SEPTIN4: variants seen among roughly 807,000 people sequenced by gnomAD.
SEPTIN4 encodes the protein septin 4.
A neutral mutation model predicts 107.1 loss-of-function variants in SEPTIN4; 52 were observed. The observed-to-expected ratio is 0.49, with a 90% confidence interval of 0.39 to 0.61. The LOEUF (loss-of-function observed/expected upper bound fraction) is 0.61, where lower values mean the gene tolerates loss of function less well. Among genes scored for constraint, SEPTIN4 ranks in the 20% least tolerant of loss-of-function variants. The probability of loss-of-function intolerance (pLI) is 0.00; values close to 1 mark genes in which losing one functional copy is unlikely to be tolerated. For missense variants in SEPTIN4, 1,048 were observed against 1,243.5 expected (o/e 0.84, Z 2.36); for synonymous variants, 417 against 467.0 (o/e 0.89, Z 1.38).
intron 3 of SEPTIN4, among the ~76,000 whole-genome samples, chr17:58,535,080 A>T (rs1454276721): frequency 6.6e-6 from 1 of 152,216 alleles, no homozygotes; most frequent in Non-Finnish European, 1.5e-5. Flanking sequence ...CTTGGACCAA[A>T]GGCTATCACT....
intron 1 of SEPTIN4, among the ~76,000 whole-genome samples, 192 bp from the exon 2 acceptor site, chr17:58,542,158 C>T (rs1238143645): frequency 6.6e-6 from 1 of 152,122 alleles, no homozygotes; most frequent in African/African-American, 2.4e-5. Flanking sequence ...CTCTTTTTTA[C>T]ACCCTCTCTC....
chr17:58,532,548 C>T (rs956668240), intron 3 of SEPTIN4, among the ~76,000 whole-genome samples: 8 of 152,234 alleles, frequency 5.3e-5, no homozygotes, highest in African/African-American at 1.7e-4. Flanking sequence ...CACCTCCACC[C>T]GAGCTGTGAA....
Position 58,522,051 on chromosome 17 carries a change from C to T in SEPTIN4, c.2267G>A (p.Arg756Gln). The T allele has an allele frequency of 5.6e-6, 9 of 1,614,214 alleles. No individual in the cohort carries two copies. Among genetic ancestry groups the T allele is most frequent in the African/African-American group, 2.7e-5 (2 of 75,050 alleles). ...CTTTCGGTTCAGGCCACTCTCGTCT[C>T]GGAAATACTGCTCAAACTGCTGATC... The part of the protein sequence containing the change: ...YIDQQFEQYF[R>Q]DESGLNRKNI... Residue 756 changes from arginine (R) to glutamine (Q), a missense_variant, in exon 8 of 14, where the codon CGA (arginine) becomes CAA (glutamine). By Grantham distance (43) the Arg-to-Gln change is conservative. Around this residue, in one of 2 missense-constraint regions of SEPTIN4, gnomAD observed 261 missense variants for 371.7 expected, o/e 0.70. Coordinates refer to ENST00000672673, the MANE Select transcript of SEPTIN4 (RefSeq NM_001368771.2).
At chr17:58,541,672 T>C in intron 2 of SEPTIN4, 2 of 1,125,790 alleles carry the variant, frequency 1.8e-6, no homozygotes, top group South Asian at 1.6e-5. Context: ...GCTTAAATTA[T>C]TCTCCATTCC....
intron 2 of SEPTIN4, chr17:58,541,706 A>G: frequency 7.4e-7 from 1 of 1,359,454 alleles, no homozygotes. Flanking sequence ...TGTTAAAAGG[A>G]GACTCTTGAA....
chr17:58,527,227 C>T, intron 3 of SEPTIN4: 1 of 739,096 alleles, frequency 1.4e-6, no homozygotes, highest in Non-Finnish European at 2.4e-6. Flanking sequence ...TGGGCACCCC[C>T]AGAGCCCTGG....
intron 3 of SEPTIN4, among the ~76,000 whole-genome samples, chr17:58,534,069 CCAGGCAGCAGG>C (rs2043628259): frequency 6.6e-6 from 1 of 152,210 alleles, no homozygotes; most frequent in Non-Finnish European, 1.5e-5. Flanking sequence ...CACCTGCTGC[CCAGGCAGCAGG>C]TTGGTACCAG....
In SEPTIN4 at chr17:58,526,574, A is replaced by G. The variant is rs574305965; in HGVS notation, c.1911+108T>C. 2.2e-4 allele frequency: 86 copies of G among 390,386 alleles called. 1 individual carries two copies. The South Asian group carries it at 4.2e-3, about 19-fold the overall frequency. The allele number at this position is 390,386 out of a possible 1,614,324, so 24.2% of individuals were successfully genotyped here. On this transcript the variant is annotated intron_variant, in intron 4 of 13. Transcript: ENST00000672673. Reference sequence around the variant, plus strand: ...AGGTCCCAGATACACACACACACAAACACACACACACACACACACACACAC... The same window carrying G: ...AGGTCCCAGATACACACACACACAAGCACACACACACACACACACACACAC...
intron 3 of SEPTIN4, chr17:58,539,019 T>C: frequency 1.4e-6 from 1 of 722,460 alleles, no homozygotes; most frequent in Non-Finnish European, 2.1e-6. Context: ...ATCCTGAGGC[T>C]GCATGGGGCC....
intron 2 of SEPTIN4, 109 bp downstream of exon 2, chr17:58,541,813 A>G (rs779419204): frequency 6.2e-7 from 1 of 1,611,496 alleles, no homozygotes; most frequent in South Asian, 1.1e-5. Context: ...AAATCCCAGC[A>G]TTTATCTCCT....
chr17:58,538,831 T>C lies in SEPTIN4; in HGVS notation c.1614+1835A>G, dbSNP rs1440922410. Among the ~76,000 whole-genome samples the C allele has an allele frequency of 2.0e-5, 3 of 152,138 alleles. No individual in the cohort carries two copies. The highest frequency in any genetic ancestry group is 4.4e-5 in the Non-Finnish European group (3 of 68,006). The stretch of plus-strand genomic sequence containing the variant: ...CTGAATCAGGCCCCATCCCCAGCTG[T>C]TCACCCAGAGAGGCTTGTGAAGCTC... On this transcript the variant is annotated intron_variant, in intron 3 of 13. Coordinates refer to ENST00000672673, the MANE Select transcript of SEPTIN4 (RefSeq NM_001368771.2). The surrounding 1 kb of genome is among the most constrained non-coding windows in gnomAD (Gnocchi z 4.7).
rs41280080 is a variant in SEPTIN4, at chr17:58,525,431, G to A, written c.2093-230C>T. On this transcript the variant is annotated intron_variant, in intron 6 of 13. Coordinates refer to ENST00000672673, the MANE Select transcript of SEPTIN4 (RefSeq NM_001368771.2). ...TGGCCCCAGCCTCTTCTCTGCTCCC[G>A]GTTTTTTTCTTGGATTCCTGGAATC... 3.3e-3 allele frequency: 2,049 copies of A among 623,298 alleles called. 8 individuals are homozygous for A. Among genetic ancestry groups the A allele is most frequent in the Middle Eastern group, 8.8e-3 (20 of 2,274 alleles). The allele number at this position is 623,298 out of a possible 1,614,324, so 38.6% of individuals were successfully genotyped here.
intron 3 of SEPTIN4, among the ~76,000 whole-genome samples, chr17:58,532,465 T>G (rs896434140): frequency 6.6e-6 from 1 of 152,180 alleles, no homozygotes; most frequent in African/African-American, 2.4e-5. Context: ...AACAAGGTTT[T>G]CACAAAGTGA....
Position 58,521,435 on chromosome 17 carries a change from C to T in SEPTIN4, c.2572-85G>A. The T allele has an allele frequency of 5.8e-6, 9 of 1,556,646 alleles. No individual in the cohort carries two copies. Among genetic ancestry groups the T allele is most frequent in the Non-Finnish European group, 8.0e-6 (9 of 1,128,154 alleles). ...GTATCGTCATCTTCTCTGCTTCATT[C>T]TAGGAAGCCAGGGTCCTTTCCCACC... On this transcript the variant is annotated intron_variant, in intron 10 of 13. Coordinates refer to ENST00000672673, the MANE Select transcript of SEPTIN4 (RefSeq NM_001368771.2). The surrounding 1 kb of genome is among the most constrained non-coding windows in gnomAD (Gnocchi z 6.4).
At chr17:58,525,902 A>C in intron 5 of SEPTIN4, 121 bp from the exon 6 acceptor site, 1 of 927,134 alleles carries the variant, frequency 1.1e-6, no homozygotes, top group Non-Finnish European at 1.6e-6. Context: ...TAGACTAACC[A>C]AACTATAGCA....
intron 3 of SEPTIN4, chr17:58,527,982 A>C: frequency 1.0e-6 from 1 of 985,604 alleles, no homozygotes; most frequent in Non-Finnish European, 1.2e-6. Flanking sequence ...TCTCATTGTC[A>C]GCTCTAGACC....
rs893518015 is a variant in SEPTIN4 at position 58,530,584 on chromosome 17, AAC to A, written c.1615-3608_1615-3607del. ...GGGGGTGTGTCTTTAATTAGAGAAG[AAC>A]AGTGTGGCCTCGGACAAGCCGAAAG... On this transcript the variant is annotated intron_variant, in intron 3 of 13. Coordinates refer to ENST00000672673, the MANE Select transcript of SEPTIN4 (RefSeq NM_001368771.2). 9.8e-5 allele frequency: 15 copies of A among 152,408 alleles called. 1 individual carries two copies. The highest frequency in any genetic ancestry group is 8.5e-4 in the Admixed American group (13 of 15,314). 9.4% of individuals were successfully genotyped at this position (152,408 alleles called of 1,614,324 possible). A position where few individuals can be genotyped will look rare whatever the true frequency, so the allele number is the denominator to read the frequency against.
chr17:58,537,972 T>C (rs1023575186), intron 3 of SEPTIN4, among the ~76,000 whole-genome samples: 4 of 151,996 alleles, frequency 2.6e-5, no homozygotes, highest in East Asian at 3.9e-4. Flanking sequence ...TTGGTGCCCA[T>C]AGTCCCAACT....
rs368473165 is a variant in SEPTIN4, at chr17:58,544,190, A to G, written c.-4T>C. The G allele has an allele frequency of 1.2e-6, 2 of 1,606,512 alleles. No individual in the cohort carries two copies. The highest frequency in any genetic ancestry group is 4.5e-5 in the East Asian group (2 of 44,796). On this transcript the variant is annotated 5_prime_UTR_variant, in exon 1 of 14. Coordinates refer to ENST00000672673, the MANE Select transcript of SEPTIN4 (RefSeq NM_001368771.2). ...CAGGTTTATTTGTCTTGACCATCTG[A>G]TAGATTGTGCCCTTCTGAGTAGATC...
Sources: gnomAD v4.1 joint callset for allele counts (sites outside exome capture counted in the v4.1 genomes callset) on GRCh38, gnomAD v4.1.1 for gene constraint, gnomAD v4.1.1 regional missense constraint, Gnocchi (gnomAD v3.1) non-coding constraint, MANE v1.5 for transcripts, NCBI Gene and HGNC (gene_info 2026-07-23, HGNC 2026-07-21) for gene names.